DDB1: variants seen among roughly 807,000 people sequenced by gnomAD.
The protein encoded by DDB1 is DNA damage-binding protein 1.
In DDB1, 18 loss-of-function variants were observed where a neutral mutation model predicts 133.1. That is an observed-to-expected ratio of 0.14 (90% CI 0.09 to 0.20). The LOEUF (loss-of-function observed/expected upper bound fraction) is 0.20. Among genes scored for constraint, DDB1 ranks in the 10% least tolerant of loss-of-function variants. The probability of loss-of-function intolerance (pLI) is 1.00; values close to 1 mark genes in which losing one functional copy is unlikely to be tolerated. For synonymous variants in DDB1, 580 were observed against 550.5 expected (o/e 1.05, Z -0.75); for missense variants, 828 against 1,459.2 (o/e 0.57, Z 7.05).
intron 7 of DDB1, 145 bp from the exon 8 acceptor site, chr11:61,323,239 C>T (rs1223382265): frequency 1.4e-6 from 1 of 690,278 alleles, no homozygotes; most frequent in Non-Finnish European, 2.6e-6. Flanking sequence ...CCAGGTCACA[C>T]TAAGCAAATG....
At position 61,314,141 on chromosome 11, in the gene DDB1, G is replaced by C; in HGVS notation, c.1659C>G (p.Ser553=). ...ITPLGDSNGL[S]PLCAIGLWTD... is the part of the protein sequence containing the mutation. ...TCCAGAGGCCAATGGCACAAAGAGG[G>C]GACAGTCCATTGCTGTCTCCTAATG... Residue 553 remains serine, a synonymous_variant, in exon 14 of 27, where the codon TCC becomes TCG. Transcript: ENST00000301764. 1.2e-6 allele frequency: 2 copies of C among 1,614,030 alleles called. No homozygotes were observed. Among genetic ancestry groups the C allele is most frequent in the Non-Finnish European group, 1.7e-6 (2 of 1,179,960 alleles).
chr11:61,331,642 C>A lies in DDB1; in HGVS notation c.111G>T (p.Thr37=). Residue 37 remains threonine, a synonymous_variant, in exon 2 of 27, where the codon ACG becomes ACT. Transcript: ENST00000301764. ...EDLNLLIAKN[T]RLEIYVVTAE... is the part of the protein sequence containing the mutation. ...CGGTGACCACATAGATCTCTAATCTCGTGTTTTTGGCAATCAACAGGTTTA... is the reference window on the plus strand; with the variant it reads ...CGGTGACCACATAGATCTCTAATCTAGTGTTTTTGGCAATCAACAGGTTTA... 6.2e-7 allele frequency: 1 copy of A among 1,614,168 alleles called. No homozygotes were observed. The highest frequency in any genetic ancestry group is 8.5e-7 in the Non-Finnish European group (1 of 1,180,046).
rs368725488 is a variant in DDB1, at chr11:61,316,597, T to C, written c.1226-30A>G. On this transcript the variant is annotated intron_variant, in intron 10 of 26. Coordinates refer to ENST00000301764, the MANE Select transcript of DDB1 (RefSeq NM_001923.5). ...AACAAGGACCAAGGATTCAGATGCA[T>C]AGGACAGACCAACACTTAGCATGCA... 7.4e-6 allele frequency: 12 copies of C among 1,611,190 alleles called. No homozygotes were observed. The African/African-American group carries it at 1.2e-4, about 16-fold the overall frequency.
Position 61,305,691 on chromosome 11 carries a change from CCA to C in DDB1, c.2662-1658_2662-1657del, listed in dbSNP as rs200558500. ...GCCAACACCTGCCACCACTCTCTCTCCACACTCTCAACCTCCCCATCGCCTTG... is the reference window on the plus strand; with the variant it reads ...GCCAACACCTGCCACCACTCTCTCTCCACTCTCAACCTCCCCATCGCCTTG... On this transcript the variant is annotated intron_variant, in intron 21 of 26. Transcript: ENST00000301764. Among the ~76,000 whole-genome samples, 1,241 of 152,226 alleles carry C rather than the reference CCA, an allele frequency of 8.2e-3. 21 individuals are homozygous for C. Among genetic ancestry groups the C allele is most frequent in the African/African-American group, 0.029 (1,197 of 41,520 alleles).
chr11:61,309,919 T>C lies in DDB1; in HGVS notation c.2443A>G (p.Ser815Gly). 6.2e-7 allele frequency: 1 copy of C among 1,614,248 alleles called. No individual in the cohort carries two copies. Among genetic ancestry groups the C allele is most frequent in the Non-Finnish European group, 8.5e-7 (1 of 1,180,042 alleles). ...TTGCCCAGCTTGCAGGAAACCAGAC[T>C]GAGGGCATATTCATTCTGCAGAAAC... ...HQFLQNEYAL[S>G]LVSCKLGKDP... The change falls in exon 20 of 27, where the codon AGT becomes GGT. Residue 815 changes from serine (S) to glycine (G), a missense_variant. Physicochemically the swap from Ser to Gly is moderately conservative, Grantham distance 56 (BLOSUM62 0). Transcript: ENST00000301764.
At chr11:61,327,118 C>T (rs1195261283) in intron 4 of DDB1, among the ~76,000 whole-genome samples, 1 of 152,102 alleles carries the variant, frequency 6.6e-6, no homozygotes, top group Non-Finnish European at 1.5e-5. Flanking sequence ...ATTCAACCAA[C>T]CAAGAAAGGT....
At chr11:61,331,056 G>A (rs1013052696) in intron 2 of DDB1, among the ~76,000 whole-genome samples, 1 of 152,188 alleles carries the variant, frequency 6.6e-6, no homozygotes, top group East Asian at 1.9e-4. Flanking sequence ...GATCTGAAAG[G>A]TGCCTTAAGT....
At chr11:61,305,832 ATGAAACACT>A (rs1855873991) in intron 21 of DDB1, among the ~76,000 whole-genome samples, 1 of 152,252 alleles carries the variant, frequency 6.6e-6, no homozygotes, top group Non-Finnish European at 1.5e-5. Flanking sequence ...ACACATGGCT[ATGAAACACT>A]TGAAATGTGC....
At chr11:61,313,407 C>T (rs1856011489) in intron 16 of DDB1, 92 bp downstream of exon 16, 2 of 1,175,620 alleles carry the variant, frequency 1.7e-6, no homozygotes, top group Non-Finnish European at 2.4e-6. Flanking sequence ...ATGATTTTGA[C>T]ACCGGAAAAA....
intron 25 of DDB1, chr11:61,302,055 A>C: frequency 4.1e-6 from 2 of 483,786 alleles, no homozygotes; most frequent in Non-Finnish European, 7.4e-6. Context: ...CTAGGTGATA[A>C]GTACTTTGGG....
intron 21 of DDB1, among the ~76,000 whole-genome samples, chr11:61,307,118 T>C (rs1193154719): frequency 3.9e-5 from 6 of 152,218 alleles, no homozygotes; most frequent in Admixed American, 2.6e-4. Context: ...CCAAGAACAA[T>C]GGCTCTCTTT....
Position 61,331,651 on chromosome 11 carries a change from G to C in DDB1, c.102C>G (p.Ala34=). The stretch of plus-strand genomic sequence containing the variant: ...CATAGATCTCTAATCTCGTGTTTTT[G>C]GCAATCAACAGGTTTAAGTCTTCGG... ...TSAEDLNLLI[A]KNTRLEIYVV... Residue 34 remains alanine (A), a synonymous_variant, in exon 2 of 27, where the codon GCC becomes GCG. Coordinates refer to ENST00000301764, the MANE Select transcript of DDB1 (RefSeq NM_001923.5). The C allele has an allele frequency of 6.2e-7, 1 of 1,614,064 alleles. No homozygotes were observed. Among genetic ancestry groups the C allele is most frequent in the Non-Finnish European group, 8.5e-7 (1 of 1,180,028 alleles).
Position 61,305,308 on chromosome 11 carries a change from A to G in DDB1, c.2662-1273T>C, listed in dbSNP as rs141354365. 3.3e-3 allele frequency among the ~76,000 whole-genome samples: 504 copies of G among 152,346 alleles called. 5 individuals are homozygous for G. The highest frequency in any genetic ancestry group is 0.012 in the African/African-American group (487 of 41,588). On this transcript the variant is annotated intron_variant, in intron 21 of 26. Coordinates refer to ENST00000301764, the MANE Select transcript of DDB1 (RefSeq NM_001923.5). ...CGGATCACGAGGTCAGGAGATCGAG[A>G]CCATCCTGGCCAACGTGGTGAAACC...
intron 10 of DDB1, 59 bp from the exon 11 acceptor site, chr11:61,316,626 C>T (rs972991479): frequency 6.3e-7 from 1 of 1,576,396 alleles, no homozygotes. Context: ...GCATGCATAT[C>T]TACGGACAGG....
rs1476139885 is a variant in DDB1 at position 61,300,802 on chromosome 11, AGCT to A, written c.3339+4_3339+6del. The A allele has an allele frequency of 6.2e-7, 1 of 1,614,142 alleles. No individual in the cohort carries two copies. The highest frequency in any genetic ancestry group is 1.1e-5 in the South Asian group (1 of 91,080). ...TCTGGCCCAGGGTTAAACACCACAC[AGCT>A]CACCTGTAGGTTTGCCACCACCTCC... On this transcript the variant is annotated splice_donor_5th_base_variant and intron_variant, in intron 26 of 26. Transcript: ENST00000301764.
At chr11:61,314,718 G>C (rs922452856) in intron 12 of DDB1, 1 of 455,730 alleles carries the variant, frequency 2.2e-6, no homozygotes, top group Non-Finnish European at 3.9e-6. Flanking sequence ...CAGCTGGTGG[G>C]GAAAAGGCCT....
At chr11:61,331,756 C>T (rs958003422) in intron 1 of DDB1, 65 bp from the exon 2 acceptor site, 17 of 1,596,354 alleles carry the variant, frequency 1.1e-5, no homozygotes, top group African/African-American at 2.7e-5. Flanking sequence ...TCAAAATAAT[C>T]CTATCACTTA....
rs768501625 is a variant in DDB1, at chr11:61,329,515, G to A, written c.397C>T (p.Leu133=). ...IIDPECRMIG[L]RLYDGLFKVI... ...TTGAAAAGGCCATCATAGAGACGCAGGCCAATCATCCGGCACTCAGGGTCA... is the reference window on the plus strand; with the variant it reads ...TTGAAAAGGCCATCATAGAGACGCAAGCCAATCATCCGGCACTCAGGGTCA... The change falls in exon 4 of 27, where the codon CTG becomes TTG. Residue 133 remains leucine (L), a synonymous_variant. Transcript: ENST00000301764. 8.7e-6 allele frequency: 14 copies of A among 1,614,062 alleles called. No individual in the cohort carries two copies. The highest frequency in any genetic ancestry group is 1.2e-5 in the Non-Finnish European group (14 of 1,180,052).
chr11:61,314,003 A>G (rs907053821), intron 14 of DDB1, 34 bp from the exon 15 acceptor site: 1 of 1,614,018 alleles, frequency 6.2e-7, no homozygotes, highest in Admixed American at 1.7e-5. Context: ...TTCTTGTTCC[A>G]CATTTTGACT....
Sources: gnomAD v4.1 joint callset for allele counts (sites outside exome capture counted in the v4.1 genomes callset) on GRCh38, gnomAD v4.1.1 for gene constraint, MANE v1.5 for transcripts, NCBI Gene and HGNC (gene_info 2026-07-23, HGNC 2026-07-21) for gene names.